DPP6: variants seen among roughly 807,000 people sequenced by gnomAD.
The protein encoded by DPP6 is A-type potassium channel modulatory protein DPP6.
DPP6 carries 69 observed loss-of-function variants against 122.6 expected under a neutral mutation model. That is an observed-to-expected ratio of 0.56 (90% CI 0.46 to 0.69). The LOEUF (loss-of-function observed/expected upper bound fraction) is 0.69. DPP6 is among the 30% of genes least tolerant of loss of function. The probability of loss-of-function intolerance (pLI) is 0.00; values close to 1 mark genes in which losing one functional copy is unlikely to be tolerated. For synonymous variants in DPP6, 418 were observed against 433.1 expected, an observed-to-expected ratio of 0.97 and a Z score of 0.43; for missense variants, 928 against 1,116.9, an observed-to-expected ratio of 0.83 and a Z score of 2.41.
chr7:153,937,178 C>G (rs931829685), intron 1 of DPP6, among the ~76,000 whole-genome samples: 8 of 152,124 alleles, frequency 5.3e-5, no homozygotes, highest in Non-Finnish European at 1.0e-4. Context: ...CTAGGGCCAC[C>G]CTTAGGATAG....
At chr7:154,732,221 T>C (rs2131379716) in intron 8 of DPP6, among the ~76,000 whole-genome samples, 1 of 151,274 alleles carries the variant, frequency 6.6e-6, no homozygotes, top group East Asian at 1.9e-4. Context: ...TTTTTTTTGG[T>C]ATTTTTAGTA....
intron 1 of DPP6, among the ~76,000 whole-genome samples, chr7:154,042,017 A>C (rs1366193599): frequency 1.3e-5 from 2 of 152,166 alleles, no homozygotes; most frequent in South Asian, 2.1e-4. Flanking sequence ...TCGGCCTCCC[A>C]AAGTGCTGAG....
intron 3 of DPP6, among the ~76,000 whole-genome samples, chr7:154,489,753 G>A (rs1477133020): frequency 6.6e-6 from 1 of 152,046 alleles, no homozygotes; most frequent in East Asian, 1.9e-4. Context: ...ACAGGTGATA[G>A]CTCTCAGATT....
intron 1 of DPP6, among the ~76,000 whole-genome samples, chr7:154,197,927 C>T (rs150772944): frequency 5.9e-5 from 9 of 152,222 alleles, no homozygotes; most frequent in Admixed American, 2.0e-4. Context: ...CCAGCAGGAG[C>T]GGCCCACCCA....
intron 1 of DPP6, among the ~76,000 whole-genome samples, chr7:154,138,375 A>G (rs1795684238): frequency 6.6e-6 from 1 of 152,214 alleles, no homozygotes; most frequent in South Asian, 2.1e-4. Flanking sequence ...TGGGATGAAG[A>G]CATTATTTGG....
intron 1 of DPP6, among the ~76,000 whole-genome samples, chr7:153,959,679 G>A (rs1795247876): frequency 6.6e-6 from 1 of 152,246 alleles, no homozygotes; most frequent in African/African-American, 2.4e-5. Context: ...CCCTGGATTA[G>A]GCTTTGTCTT....
At position 154,870,728 on chromosome 7, in the gene DPP6, C is replaced by G. The variant is rs186398651; in HGVS notation, c.1814-1896C>G. ...CTGTAATCCCAGCACTTTGGGAGGC[C>G]GAGGCATGCGGATCACTTGAGGTCA... On this transcript the variant is annotated intron_variant, in intron 18 of 25. Coordinates refer to ENST00000377770, the MANE Select transcript of DPP6 (RefSeq NM_130797.4). Among the ~76,000 whole-genome samples the G allele has an allele frequency of 5.7e-3, 857 of 149,782 alleles. 9 individuals carry two copies. Among genetic ancestry groups the G allele is most frequent in the African/African-American group, 0.019 (770 of 40,754 alleles).
intron 1 of DPP6, among the ~76,000 whole-genome samples, chr7:154,326,414 A>T (rs542346991): frequency 5.8e-4 from 88 of 152,310 alleles, no homozygotes; most frequent in African/African-American, 2.1e-3. Flanking sequence ...AAGTCTATAT[A>T]TACTGTCACA....
intron 1 of DPP6, among the ~76,000 whole-genome samples, chr7:154,231,542 G>A (rs779274595): frequency 2.0e-5 from 3 of 152,200 alleles, no homozygotes; most frequent in Non-Finnish European, 4.4e-5. Flanking sequence ...GTCACAGCAA[G>A]TATAAGCACT....
intron 1 of DPP6, among the ~76,000 whole-genome samples, chr7:154,291,418 A>G (rs1805203747): frequency 6.6e-6 from 1 of 152,018 alleles, no homozygotes; most frequent in African/African-American, 2.4e-5. Flanking sequence ...AACCAAGACC[A>G]CTCCAAGGTC....
rs759458951 is a variant in DPP6 at position 154,481,004 on chromosome 7, G to T, written c.457+5967G>T. On this transcript the variant is annotated intron_variant, in intron 3 of 25. Coordinates refer to ENST00000377770, the MANE Select transcript of DPP6 (RefSeq NM_130797.4). The surrounding 1 kb of genome is among the most constrained non-coding windows in gnomAD (Gnocchi z 4.2). Reference sequence around the variant, plus strand: ...CATCCTAGCCTCCACGTGATGTTTGGGTGCATGAATACCATGGCAGACTTG... The same window carrying T: ...CATCCTAGCCTCCACGTGATGTTTGTGTGCATGAATACCATGGCAGACTTG... Among the ~76,000 whole-genome samples the T allele has an allele frequency of 2.6e-5, 4 of 152,024 alleles. No homozygotes were observed. The highest frequency in any genetic ancestry group is 4.4e-5 in the Non-Finnish European group (3 of 68,022).
chr7:154,531,198 G>T (rs1255555332), intron 3 of DPP6, among the ~76,000 whole-genome samples: 2 of 151,828 alleles, frequency 1.3e-5, no homozygotes, highest in African/African-American at 4.8e-5. Flanking sequence ...AAAAGTTGAA[G>T]GAAAAAAGAG....
intron 3 of DPP6, among the ~76,000 whole-genome samples, chr7:154,482,699 C>T (rs1388255242): frequency 1.3e-5 from 2 of 152,248 alleles, no homozygotes; most frequent in East Asian, 3.9e-4. Context: ...AATAGTATTT[C>T]ACGATATTAA....
chr7:154,280,728 T>A (rs1446616265), intron 1 of DPP6, among the ~76,000 whole-genome samples: 1 of 152,226 alleles, frequency 6.6e-6, no homozygotes, highest in Non-Finnish European at 1.5e-5. Flanking sequence ...ATATTTATCT[T>A]TTCTTAACAT....
At chr7:154,360,019 T>G (rs568371891) in intron 1 of DPP6, among the ~76,000 whole-genome samples, 1 of 152,328 alleles carries the variant, frequency 6.6e-6, no homozygotes, top group Admixed American at 6.5e-5. Flanking sequence ...CTTTTCTGAG[T>G]GCTGCTTGGC....
intron 1 of DPP6, among the ~76,000 whole-genome samples, chr7:154,256,468 G>A (rs1223095442): frequency 6.6e-6 from 1 of 152,174 alleles, no homozygotes; most frequent in Non-Finnish European, 1.5e-5. Context: ...TGGAAAGGAA[G>A]CCTGACATTT....
intron 1 of DPP6, among the ~76,000 whole-genome samples, chr7:154,217,143 T>A (rs10258252): frequency 0.046 from 6,990 of 152,062 alleles, 275 homozygotes; most frequent in African/African-American, 0.11. Flanking sequence ...GCACTCAAAT[T>A]TTTTTTTGGA....
intron 1 of DPP6, among the ~76,000 whole-genome samples, chr7:153,926,380 T>C (rs1563014965): frequency 6.6e-6 from 1 of 152,302 alleles, no homozygotes; most frequent in East Asian, 1.9e-4. Context: ...CCTAAGAGAA[T>C]TGCTGTATTA....
chr7:154,186,178 C>G (rs912044556), intron 1 of DPP6, among the ~76,000 whole-genome samples: 5 of 152,154 alleles, frequency 3.3e-5, no homozygotes, highest in Non-Finnish European at 5.9e-5. Context: ...CACCAAATAT[C>G]TGTGTAGATA....
Sources: gnomAD v4.1 joint callset for allele counts (sites outside exome capture counted in the v4.1 genomes callset) on GRCh38, gnomAD v4.1.1 for gene constraint, Gnocchi (gnomAD v3.1) non-coding constraint, MANE v1.5 for transcripts, NCBI Gene and HGNC (gene_info 2026-07-23, HGNC 2026-07-21) for gene names.